MCM5: variants seen among roughly 807,000 people sequenced by gnomAD.
The protein encoded by MCM5 is DNA replication licensing factor MCM5.
In MCM5, 46 loss-of-function variants were observed where a neutral mutation model predicts 79.9. That is an observed-to-expected ratio of 0.58 (90% CI 0.45 to 0.74). The LOEUF (loss-of-function observed/expected upper bound fraction) is 0.74, where lower values mean the gene tolerates loss of function less well. MCM5 is among the 30% of genes least tolerant of loss of function. The pLI, the probability that MCM5 is intolerant of heterozygous loss-of-function variation, is 0.00. For missense variants in MCM5, 883 were observed against 1,017.0 expected (o/e 0.87, Z 1.79); for synonymous variants, 404 against 390.5 (o/e 1.03, Z -0.41).
At chr22:35,449,675 G>A in the MCM5 span, among the ~76,000 whole-genome samples, 17 of 152,324 alleles carry the variant, frequency 1.1e-4, no homozygotes, top group Admixed American at 2.6e-4. Context: ...GCAGTTTTCC[G>A]GCACCTTGCT....
intron 16 of MCM5, chr22:35,423,952 C>T (rs1601765068): frequency 1.9e-6 from 1 of 537,354 alleles, no homozygotes; most frequent in Non-Finnish European, 3.3e-6. Context: ...CCCAGCTCTA[C>T]CTCTTAATTG....
In MCM5 at chr22:35,416,333, A is replaced by G. The variant is rs746625176; in HGVS notation, c.1348-6A>G. The G allele has an allele frequency of 1.2e-6, 2 of 1,613,258 alleles. No homozygotes were observed. Among genetic ancestry groups the G allele is most frequent in the South Asian group, 1.1e-5 (1 of 91,062 alleles). ...GTCTGATGATATTTCTCTCTTCCCC[A>G]CTTAGATGCGAGAAGATGACCGTGT... On this transcript the variant is annotated splice_region_variant and splice_polypyrimidine_tract_variant and intron_variant, in intron 10 of 16. Coordinates refer to ENST00000216122, the MANE Select transcript of MCM5 (RefSeq NM_006739.4).
At chr22:35,414,967 A>G (rs1250867523) in intron 9 of MCM5, among the ~76,000 whole-genome samples, 1 of 152,206 alleles carries the variant, frequency 6.6e-6, no homozygotes, top group Non-Finnish European at 1.5e-5. Flanking sequence ...TTGGATAGAT[A>G]GGAAGTGTGC....
At chr22:35,417,662 C>G in intron 12 of MCM5, 82 bp from the exon 13 acceptor site, 1 of 987,274 alleles carries the variant, frequency 1.0e-6, no homozygotes, top group Non-Finnish European at 1.6e-6. Flanking sequence ...CCCATCAGCT[C>G]TTTCTGGCTG....
At chr22:35,421,167 T>G in intron 14 of MCM5, 151 bp from the exon 15 acceptor site, 2 of 588,214 alleles carry the variant, frequency 3.4e-6, no homozygotes, top group Non-Finnish European at 5.7e-6. Context: ...GTTCTATGAC[T>G]AAGATCAAAA....
intron 9 of MCM5, among the ~76,000 whole-genome samples, chr22:35,414,366 T>C (rs751534129): frequency 2.0e-5 from 3 of 152,182 alleles, no homozygotes; most frequent in Non-Finnish European, 4.4e-5. Context: ...ATCCCTGTAA[T>C]ACCAGCGCTT....
At chr22:35,413,487 A>C in intron 8 of MCM5, among the ~76,000 whole-genome samples, 1 of 152,166 alleles carries the variant, frequency 6.6e-6, no homozygotes, top group Non-Finnish European at 1.5e-5. Context: ...CAGCACATGC[A>C]GGGGAGCCAG....
In MCM5 at chr22:35,409,758, G is replaced by T. The variant is rs1045495173; in HGVS notation, c.753-986G>T. On this transcript the variant is annotated intron_variant, in intron 6 of 16. Transcript: ENST00000216122. Reference sequence around the variant, plus strand: ...TGTAGCTTCTGTTAACTTCATTAGTGGCAACAGAGTATGTAGGGGTCAGGC... The same window carrying T: ...TGTAGCTTCTGTTAACTTCATTAGTTGCAACAGAGTATGTAGGGGTCAGGC... 9.9e-5 allele frequency: 15 copies of T among 152,208 alleles called. No homozygotes were observed. In the East Asian group the frequency reaches 1.2e-3, roughly 12 times the overall value. 9.4% of individuals were successfully genotyped at this position (152,208 alleles called of 1,614,324 possible).
downstream of MCM5, among the ~76,000 whole-genome samples, chr22:35,430,043 C>T (rs1405054338): frequency 1.3e-5 from 2 of 152,208 alleles, no homozygotes; most frequent in African/African-American, 4.8e-5. Flanking sequence ...TAGGCACACC[C>T]GTTGGTCACC....
chr22:35,406,533 T>C lies in MCM5; in HGVS notation c.424-20T>C. The stretch of plus-strand genomic sequence containing the variant: ...CCTGGCTCCCCTTAACCAACAAGCT[T>C]CCCGATGGCTCTATTACAGTCGGAC... On this transcript the variant is annotated intron_variant, in intron 4 of 16. Coordinates refer to ENST00000216122, the MANE Select transcript of MCM5 (RefSeq NM_006739.4). 5.0e-6 allele frequency: 8 copies of C among 1,603,616 alleles called. No homozygotes were observed. The highest frequency in any genetic ancestry group is 6.8e-6 in the Non-Finnish European group (8 of 1,172,592).
chr22:35,407,434 G>C (rs1932251315), intron 5 of MCM5, among the ~76,000 whole-genome samples: 1 of 152,102 alleles, frequency 6.6e-6, no homozygotes, highest in Admixed American at 6.6e-5. Flanking sequence ...CACTCAGGTG[G>C]TCCAGTCATT....
At chr22:35,403,954 A>G (rs1932139689) in intron 4 of MCM5, among the ~76,000 whole-genome samples, 1 of 151,994 alleles carries the variant, frequency 6.6e-6, no homozygotes, top group Non-Finnish European at 1.5e-5. Context: ...AAAAAAAACA[A>G]AAAAAACAAA....
rs982752712 is a variant in MCM5, at chr22:35,420,043, A to G, written c.1832+31A>G. ...CAGGCGGGCAGGGCTGGGCCATGGCAGATGGGGCTTGCTTTACACAGCAGG... is the reference window on the plus strand; with the variant it reads ...CAGGCGGGCAGGGCTGGGCCATGGCGGATGGGGCTTGCTTTACACAGCAGG... On this transcript the variant is annotated intron_variant, in intron 14 of 16. Transcript: ENST00000216122. The G allele has an allele frequency of 1.9e-6, 3 of 1,582,470 alleles. No individual in the cohort carries two copies. The Admixed American group carries it at 5.3e-5, about 28-fold the overall frequency.
chr22:35,400,374 G>T, intron 1 of MCM5, 57 bp from the exon 2 acceptor site: 1 of 1,599,442 alleles, frequency 6.3e-7, no homozygotes, highest in Non-Finnish European at 8.6e-7. Flanking sequence ...GGCGTCGGAG[G>T]GGAGGAGGTG....
chr22:35,446,351 C>G, the MCM5 span, among the ~76,000 whole-genome samples: 1 of 152,104 alleles, frequency 6.6e-6, no homozygotes, highest in South Asian at 2.1e-4. Flanking sequence ...CTGGGATTCC[C>G]CACAGAGGAA....
Position 35,403,282 on chromosome 22 carries a change from T to G in MCM5, c.243T>G (p.Asp81Glu). The G allele has an allele frequency of 6.2e-7, 1 of 1,614,132 alleles. No homozygotes were observed. The highest frequency in any genetic ancestry group is 1.1e-5 in the South Asian group (1 of 91,080). Residue 81 changes from aspartate (D) to glutamate (E), a missense_variant, in exon 3 of 17, where the codon GAT becomes GAG. Asp to Glu is a conservative substitution (Grantham distance 45). Around this residue, in one of 3 missense-constraint regions of MCM5, gnomAD observed 455 missense variants for 517.5 expected, o/e 0.88. Transcript: ENST00000216122. ...EVEMEDLASFDEDLADYLYKQ... is the reference protein window; with the variant it reads ...EVEMEDLASFEEDLADYLYKQ... ...AGATGGAGGATCTGGCCAGCTTTGA[T>G]GAGGACCTGGCCGACTACTTGTACA...
the MCM5 span, among the ~76,000 whole-genome samples, chr22:35,434,419 T>C: frequency 3.3e-5 from 5 of 152,102 alleles, no homozygotes; most frequent in African/African-American, 1.2e-4. Context: ...AAGAAAGAGC[T>C]TTTTTCTCTC....
At position 35,401,519 on chromosome 22, in the gene MCM5, C is replaced by A. The variant is rs576160710; in HGVS notation, c.167+914C>A. On this transcript the variant is annotated intron_variant, in intron 2 of 16. Transcript: ENST00000216122. ...GAATTCTCATAGGCCCGGCCTCTAT[C>A]CCTGAAATGTTAAAATGCAGAGAAC... 24 of 466,562 alleles carry A rather than the reference C, an allele frequency of 5.1e-5. No individual in the cohort carries two copies. The East Asian group carries it at 1.7e-3, about 33-fold the overall frequency. The allele number at this position is 466,562 out of a possible 1,614,324, so 28.9% of individuals were successfully genotyped here.
intron 16 of MCM5, 150 bp from the exon 17 acceptor site, chr22:35,424,004 T>C (rs1932753403): frequency 1.7e-6 from 1 of 574,964 alleles, no homozygotes; most frequent in East Asian, 3.1e-5. Context: ...TGTGCCTCAG[T>C]GTCTGGTACA....
Sources: allele counts gnomAD v4.1 joint callset (sites outside exome capture counted in the v4.1 genomes callset), GRCh38; gene constraint gnomAD v4.1.1; regional missense constraint gnomAD v4.1.1; transcripts MANE v1.5; gene names NCBI Gene and HGNC (gene_info 2026-07-23, HGNC 2026-07-21).